Variants in SLC14A2 observed in about 807,000 individuals in gnomAD.
SLC14A2 encodes urea transporter 2.
SLC14A2 carries 91 observed loss-of-function variants against 104.6 expected under a neutral mutation model. The ratio of observed to expected loss-of-function variants is 0.87; its 90% CI spans 0.73 to 1.04. The LOEUF (loss-of-function observed/expected upper bound fraction) is 1.04. Among genes scored for constraint, SLC14A2 ranks in the 50% least tolerant of loss-of-function variants. The pLI is 0.00. For synonymous variants in SLC14A2, 476 were observed against 466.4 expected, an observed-to-expected ratio of 1.02 and a Z score of -0.27; for missense variants, 1,189 against 1,156.0, an observed-to-expected ratio of 1.03 and a Z score of -0.41.
chr18:45,264,524 A>G (rs1200142031), intron 1 of SLC14A2, among the ~76,000 whole-genome samples: 1 of 152,122 alleles, frequency 6.6e-6, no homozygotes, highest in Non-Finnish European at 1.5e-5. Context: ...AGACTGGGTA[A>G]TTTATAAAAA....
intron 2 of SLC14A2, among the ~76,000 whole-genome samples, chr18:45,511,725 C>T (rs987143167): frequency 6.6e-6 from 1 of 152,108 alleles, no homozygotes; most frequent in Non-Finnish European, 1.5e-5. Flanking sequence ...GGAAACTAAC[C>T]CAAGTGTCCC....
rs117464837 is a variant in SLC14A2, at chr18:45,364,261, G to A, written c.-124-118972G>A. 2.6e-5 allele frequency among the ~76,000 whole-genome samples: 4 copies of A among 152,306 alleles called. No homozygotes were observed. The East Asian group carries it at 7.7e-4, about 29-fold the overall frequency. On this transcript the variant is annotated intron_variant, in intron 1 of 20. Transcript: ENST00000586448. ...TCTGGTATTCCCTGTCATTTGCTAT[G>A]CTTAGAAGGCAATTAATAAGCATTA...
intron 1 of SLC14A2, among the ~76,000 whole-genome samples, chr18:45,304,828 A>T (rs897709330): frequency 6.6e-6 from 1 of 152,210 alleles, no homozygotes; most frequent in African/African-American, 2.4e-5. Context: ...AGGCCCAAGA[A>T]GTTCATGAAC....
chr18:45,369,193 G>T (rs556532773), intron 1 of SLC14A2, among the ~76,000 whole-genome samples: 1 of 152,108 alleles, frequency 6.6e-6, no homozygotes, highest in South Asian at 2.1e-4. Context: ...AGGAAATTCC[G>T]CTTGATTCCC....
chr18:45,212,057 T>A (rs1479719406), upstream of SLC14A2, among the ~76,000 whole-genome samples: 1 of 152,256 alleles, frequency 6.6e-6, no homozygotes, highest in African/African-American at 2.4e-5. Flanking sequence ...TATATTGGAA[T>A]TAATTCTTAT....
intron 2 of SLC14A2, among the ~76,000 whole-genome samples, chr18:45,486,012 C>T (rs1159894430): frequency 6.6e-6 from 1 of 152,182 alleles, no homozygotes; most frequent in Non-Finnish European, 1.5e-5. Flanking sequence ...CTCTCTACTT[C>T]CCCTACTTTC....
chr18:45,432,916 T>A (rs1423796455), intron 1 of SLC14A2, among the ~76,000 whole-genome samples: 1 of 152,184 alleles, frequency 6.6e-6, no homozygotes, highest in Non-Finnish European at 1.5e-5. Flanking sequence ...TTTGTACATT[T>A]TTTGTGCAAT....
At chr18:45,314,304 G>T (rs994036973) in intron 1 of SLC14A2, among the ~76,000 whole-genome samples, 17 of 152,174 alleles carry the variant, frequency 1.1e-4, no homozygotes, top group African/African-American at 4.1e-4. Flanking sequence ...GTTCTCAGTG[G>T]AATCTCCATA....
At chr18:45,276,823 A>T (rs2084707661) in intron 1 of SLC14A2, among the ~76,000 whole-genome samples, 1 of 152,208 alleles carries the variant, frequency 6.6e-6, no homozygotes, top group South Asian at 2.1e-4. Flanking sequence ...GCTACACCGT[A>T]AAGGTTGATG....
intron 1 of SLC14A2, among the ~76,000 whole-genome samples, chr18:45,213,962 T>C (rs1354732962): frequency 6.6e-6 from 1 of 152,106 alleles, no homozygotes; most frequent in Non-Finnish European, 1.5e-5. Flanking sequence ...ACCTATATGA[T>C]CAATAGAAAT....
At chr18:45,347,331 G>A (rs906833723) in intron 1 of SLC14A2, among the ~76,000 whole-genome samples, 1 of 152,154 alleles carries the variant, frequency 6.6e-6, no homozygotes, top group Non-Finnish European at 1.5e-5. Flanking sequence ...CTCTAGCCTG[G>A]GCAACAGAGT....
At chr18:45,342,875 T>C (rs550794525) in intron 1 of SLC14A2, among the ~76,000 whole-genome samples, 42 of 152,338 alleles carry the variant, frequency 2.8e-4, no homozygotes, top group South Asian at 8.3e-4. Context: ...CTTCCAGATC[T>C]ACTTCTAGTT....
intron 1 of SLC14A2, among the ~76,000 whole-genome samples, chr18:45,262,642 C>T (rs956686055): frequency 2.0e-5 from 3 of 152,124 alleles, no homozygotes; most frequent in African/African-American, 4.8e-5. Flanking sequence ...AAATAAGATC[C>T]CCTTCCTGGT....
At chr18:45,663,637 G>T in intron 10 of SLC14A2, 148 bp from the exon 11 acceptor site, 1 of 796,132 alleles carries the variant, frequency 1.3e-6, no homozygotes. Context: ...AGTGTTTTAT[G>T]CAGAGACTGA....
chr18:45,674,350 T>C (rs1032899753), intron 18 of SLC14A2, among the ~76,000 whole-genome samples: 23 of 152,220 alleles, frequency 1.5e-4, no homozygotes, highest in African/African-American at 5.1e-4. Context: ...GTGAACATTA[T>C]CTATATAAAC....
the SLC14A2 span, among the ~76,000 whole-genome samples, chr18:45,179,660 G>T: frequency 6.6e-6 from 1 of 151,152 alleles, no homozygotes; most frequent in East Asian, 1.9e-4. Context: ...TTTGTTTAAA[G>T]AATATTCTCC....
intron 1 of SLC14A2, among the ~76,000 whole-genome samples, chr18:45,242,006 C>A (rs2084322794): frequency 6.6e-6 from 1 of 152,120 alleles, no homozygotes; most frequent in Non-Finnish European, 1.5e-5. Flanking sequence ...CTCCTTTTCC[C>A]AACCTTGAAA....
chr18:45,465,379 T>C (rs562675909), intron 1 of SLC14A2, among the ~76,000 whole-genome samples: 2 of 152,048 alleles, frequency 1.3e-5, no homozygotes, highest in Non-Finnish European at 2.9e-5. Context: ...ACAAAGAGGG[T>C]TTTGTGAAAG....
intron 1 of SLC14A2, among the ~76,000 whole-genome samples, chr18:45,370,672 C>G (rs966596276): frequency 9.9e-5 from 15 of 151,990 alleles, no homozygotes; most frequent in Non-Finnish European, 2.2e-4. Context: ...CACGCGGGAC[C>G]CATCAGTCTG....
Sources: gnomAD v4.1 joint callset for allele counts (sites outside exome capture counted in the v4.1 genomes callset) on GRCh38, gnomAD v4.1.1 for gene constraint, MANE v1.5 for transcripts, NCBI Gene and HGNC (gene_info 2026-07-23, HGNC 2026-07-21) for gene names.